The following CAMK2B variants were observed in gnomAD, a reference collection of about 807,000 sequenced individuals.
The protein encoded by CAMK2B is calcium/calmodulin dependent protein kinase II beta.
Under a neutral mutation model 93.7 loss-of-function variants are expected in CAMK2B, and 27 were observed. The ratio of observed to expected loss-of-function variants is 0.29; its 90% CI spans 0.21 to 0.40. CAMK2B has a LOEUF of 0.40. Among genes scored for constraint, CAMK2B ranks in the 10% least tolerant of loss-of-function variants. The probability of loss-of-function intolerance (pLI) is 1.00; values close to 1 mark genes in which losing one functional copy is unlikely to be tolerated. For missense variants in CAMK2B, 568 were observed against 895.8 expected, an observed-to-expected ratio of 0.63 and a Z score of 4.67; for synonymous variants, 374 against 358.8, an observed-to-expected ratio of 1.04 and a Z score of -0.48.
intron 1 of CAMK2B, among the ~76,000 whole-genome samples, chr7:44,302,725 C>G (rs1358100499): frequency 6.6e-6 from 1 of 152,116 alleles, no homozygotes; most frequent in Non-Finnish European, 1.5e-5. Context: ...ATTAAAAACT[C>G]TCAGCAAACT....
chr7:44,305,966 A>G (rs1791365949), intron 1 of CAMK2B, among the ~76,000 whole-genome samples: 1 of 151,908 alleles, frequency 6.6e-6, no homozygotes, highest in Non-Finnish European at 1.5e-5. Context: ...CCCTCTGTTA[A>G]ACATTGACCA....
At chr7:44,244,966 T>C (rs2096716220) in intron 6 of CAMK2B, 2 of 454,922 alleles carry the variant, frequency 4.4e-6, no homozygotes, top group South Asian at 1.6e-5. Context: ...CCACTGGACA[T>C]GGTGATTTTG....
chr7:44,284,113 A>C lies in CAMK2B; in HGVS notation c.160+18T>G. 1 of 1,573,260 alleles carries C rather than the reference A, an allele frequency of 6.4e-7. No homozygotes were observed. Among genetic ancestry groups the C allele is most frequent in the South Asian group, 1.1e-5 (1 of 90,134 alleles). On this transcript the variant is annotated intron_variant, in intron 2 of 23. Coordinates refer to ENST00000395749, the MANE Select transcript of CAMK2B (RefSeq NM_001220.5). ...CCCAGCCTGACAGCAGCTGCGCAGG[A>C]CACTCCCCATGCCCTACCTCTGGCT...
chr7:44,239,166 G>C (rs1229048281), intron 13 of CAMK2B, among the ~76,000 whole-genome samples: 1 of 152,226 alleles, frequency 6.6e-6, no homozygotes, highest in East Asian at 1.9e-4. Flanking sequence ...TGCGGCCCCA[G>C]AGGGGCAGGG....
chr7:44,281,693 C>T (rs774274290), intron 2 of CAMK2B, among the ~76,000 whole-genome samples: 49 of 152,180 alleles, frequency 3.2e-4, no homozygotes, highest in Non-Finnish European at 5.3e-4. Flanking sequence ...CTCAACCACA[C>T]GGCTCAGTCT....
chr7:44,240,625 G>T, intron 12 of CAMK2B, 82 bp downstream of exon 12: 9 of 1,473,612 alleles, frequency 6.1e-6, no homozygotes, highest in South Asian at 5.8e-5. Context: ...GGAGTGGAGA[G>T]GCTGGTGAGG....
chr7:44,250,104 G>A (rs1295622689), intron 5 of CAMK2B, among the ~76,000 whole-genome samples: 1 of 152,230 alleles, frequency 6.6e-6, no homozygotes, highest in Non-Finnish European at 1.5e-5. Flanking sequence ...GCAAGCCAGG[G>A]GTCCCCAAGA....
intron 13 of CAMK2B, among the ~76,000 whole-genome samples, chr7:44,237,977 G>A (rs1472025720): frequency 6.6e-6 from 1 of 152,200 alleles, no homozygotes; most frequent in Non-Finnish European, 1.5e-5. Context: ...CCAAACTGAA[G>A]CACACTCGAC....
At chr7:44,262,921 G>T (rs2096891774) in intron 3 of CAMK2B, 84 bp downstream of exon 3, 1 of 1,217,580 alleles carries the variant, frequency 8.2e-7, no homozygotes, top group African/African-American at 1.5e-5. Flanking sequence ...GCATCTCTTT[G>T]AAAGTCTGAT....
At chr7:44,289,059 T>C (rs900913894) in intron 1 of CAMK2B, among the ~76,000 whole-genome samples, 3 of 152,156 alleles carry the variant, frequency 2.0e-5, no homozygotes, top group Non-Finnish European at 4.4e-5. Flanking sequence ...CTCCTCTGGC[T>C]CCACAACAGA....
chr7:44,233,025 C>T (rs145803255), intron 15 of CAMK2B, among the ~76,000 whole-genome samples, 159 bp from the exon 16 acceptor site: 116 of 152,020 alleles, frequency 7.6e-4, no homozygotes, highest in African/African-American at 2.4e-3. Flanking sequence ...GGGATGGAGG[C>T]GGCGTGGAGC....
At chr7:44,231,193 G>A (rs951876143) in intron 16 of CAMK2B, 139 bp from the exon 17 acceptor site, 8 of 679,398 alleles carry the variant, frequency 1.2e-5, no homozygotes, top group Admixed American at 9.0e-5. Flanking sequence ...CTGCTTCCAC[G>A]GGGCTTAAAG....
chr7:44,319,587 C>T (rs1795579642), intron 1 of CAMK2B, among the ~76,000 whole-genome samples: 1 of 152,100 alleles, frequency 6.6e-6, no homozygotes, highest in Admixed American at 6.5e-5. Context: ...GGCAGGAGTC[C>T]ACTTGCACCC....
intron 19 of CAMK2B, 59 bp from the exon 20 acceptor site, chr7:44,226,703 A>G: frequency 2.7e-6 from 4 of 1,456,798 alleles, no homozygotes; most frequent in Non-Finnish European, 3.6e-6. Context: ...CGCAGGAGAG[A>G]AACCATGGGC....
At chr7:44,275,942 T>C (rs4642534) in intron 2 of CAMK2B, among the ~76,000 whole-genome samples, 83,121 of 152,020 alleles carry the variant, frequency 0.55, 22,885 homozygotes, top group African/African-American at 0.6. Flanking sequence ...ATTCCCCCAA[T>C]TCCTGGCCAC....
At chr7:44,239,560 G>C in intron 13 of CAMK2B, 29 bp downstream of exon 13, 1 of 1,530,292 alleles carries the variant, frequency 6.5e-7, no homozygotes, top group South Asian at 1.2e-5. Context: ...GGGCGGGAGC[G>C]GGCGGGACGC....
chr7:44,278,758 C>G (rs150296203), intron 2 of CAMK2B, among the ~76,000 whole-genome samples: 1 of 152,348 alleles, frequency 6.6e-6, no homozygotes, highest in Non-Finnish European at 1.5e-5. Context: ...GAGGGGACAC[C>G]AAAGCAACAC....
At chr7:44,317,320 C>A (rs1203110399) in intron 1 of CAMK2B, among the ~76,000 whole-genome samples, 1 of 151,600 alleles carries the variant, frequency 6.6e-6, no homozygotes, top group Non-Finnish European at 1.5e-5. Context: ...GTCACTGTCA[C>A]CATGTAGTCA....
chr7:44,281,745 TCCTGGTTACAGAGG>T (rs967274364), intron 2 of CAMK2B, among the ~76,000 whole-genome samples: 3 of 152,092 alleles, frequency 2.0e-5, no homozygotes, highest in African/African-American at 7.2e-5. Flanking sequence ...TGGACTGAAA[TCCTGGTTACAGAGG>T]CCACTCCCTC....
Sources: allele counts gnomAD v4.1 joint callset (sites outside exome capture counted in the v4.1 genomes callset), GRCh38; gene constraint gnomAD v4.1.1; transcripts MANE v1.5; gene names NCBI Gene and HGNC (gene_info 2026-07-23, HGNC 2026-07-21).